GRID2: variants seen among roughly 807,000 people sequenced by gnomAD.
GRID2 encodes glutamate ionotropic receptor delta type subunit 2, also known as glutamate receptor ionotropic, delta-2.
A neutral mutation model predicts 114.8 loss-of-function variants in GRID2; 33 were observed. The observed-to-expected ratio is 0.29, with a 90% CI of 0.22 to 0.38. The LOEUF is 0.38. GRID2 is among the 10% of genes least tolerant of loss of function. GRID2 has a pLI of 1.00. For missense variants in GRID2, 1,184 were observed against 1,257.7 expected (o/e 0.94, Z 0.89); for synonymous variants, 505 against 449.9 (o/e 1.12, Z -1.55).
intron 1 of GRID2, among the ~76,000 whole-genome samples, chr4:93,793,592 T>G (rs529859067): frequency 6.6e-6 from 1 of 152,308 alleles, no homozygotes; most frequent in African/African-American, 2.4e-5. Flanking sequence ...CTCTCTATAT[T>G]TCTATTATCC....
intron 2 of GRID2, among the ~76,000 whole-genome samples, chr4:92,629,364 A>T (rs1483931296): frequency 6.6e-6 from 1 of 152,108 alleles, no homozygotes; most frequent in Admixed American, 6.6e-5. Flanking sequence ...TATGGACACC[A>T]TATAAGATCA....
intron 1 of GRID2, among the ~76,000 whole-genome samples, chr4:92,522,788 G>A (rs115905460): frequency 0.011 from 1,597 of 152,058 alleles, 22 homozygotes; most frequent in African/African-American, 0.037. Context: ...GGCAATGACA[G>A]GACAGGTTTG....
Position 93,378,459 on chromosome 4 carries a change from A to G in GRID2, c.1246-17148A>G, listed in dbSNP as rs142514491. 7.4e-3 allele frequency among the ~76,000 whole-genome samples: 1,121 copies of G among 152,234 alleles called. 12 individuals are homozygous for G. The highest frequency in any genetic ancestry group is 0.025 in the African/African-American group (1,052 of 41,566). On this transcript the variant is annotated intron_variant, in intron 8 of 15. Coordinates refer to ENST00000282020, the MANE Select transcript of GRID2 (RefSeq NM_001510.4). ...ATTCCGTAATTGTTATTACAAGTTA[A>G]TCAGCTTCTCCCAGGTTCATTTACT...
At chr4:93,176,640 T>C (rs1739369175) in intron 4 of GRID2, among the ~76,000 whole-genome samples, 1 of 152,134 alleles carries the variant, frequency 6.6e-6, no homozygotes, top group South Asian at 2.1e-4. Flanking sequence ...GATGGTAAAA[T>C]TTTCATTTAA....
intron 1 of GRID2, among the ~76,000 whole-genome samples, chr4:92,359,090 C>A (rs1314154346): frequency 6.6e-6 from 1 of 151,844 alleles, no homozygotes; most frequent in East Asian, 1.9e-4. Context: ...AAGCTGATAT[C>A]CTGTTTGGTT....
At chr4:93,482,600 T>C (rs1395004725) in intron 11 of GRID2, among the ~76,000 whole-genome samples, 1 of 151,896 alleles carries the variant, frequency 6.6e-6, no homozygotes, top group Admixed American at 6.6e-5. Flanking sequence ...GCTTAAAACC[T>C]AAATGACGGG....
At chr4:92,499,718 G>C (rs139196178) in intron 1 of GRID2, among the ~76,000 whole-genome samples, 1 of 152,104 alleles carries the variant, frequency 6.6e-6, no homozygotes, top group East Asian at 1.9e-4. Context: ...GGGTTCATGC[G>C]ATTCTCCTGC....
intron 2 of GRID2, among the ~76,000 whole-genome samples, chr4:92,708,321 A>G (rs1444709581): frequency 1.3e-5 from 2 of 152,204 alleles, no homozygotes; most frequent in Non-Finnish European, 2.9e-5. Context: ...GTCACAGACT[A>G]ATGCTTTCTA....
At chr4:93,091,321 T>C (rs1051376015) in intron 3 of GRID2, among the ~76,000 whole-genome samples, 2 of 152,124 alleles carry the variant, frequency 1.3e-5, no homozygotes, top group Non-Finnish European at 2.9e-5. Context: ...CCTGTGCTAT[T>C]TTCAGTAGAC....
chr4:92,949,909 A>T lies in GRID2; in HGVS notation c.245-135086A>T, dbSNP rs576130685. ...CAGCCAGCTACAGATAAACAAACTG[A>T]TGCTGAACCTGCAATTGGCCATCTC... is the stretch of plus-strand genomic sequence containing the variant. On this transcript the variant is annotated intron_variant, in intron 2 of 15. Transcript: ENST00000282020. Among the ~76,000 whole-genome samples, 14 of 152,210 alleles carry T rather than the reference A, an allele frequency of 9.2e-5. No individual in the cohort carries two copies. In the South Asian group the frequency reaches 2.1e-3, roughly 23 times the overall value.
At chr4:93,202,765 G>C (rs1310791718) in intron 4 of GRID2, among the ~76,000 whole-genome samples, 1 of 151,994 alleles carries the variant, frequency 6.6e-6, no homozygotes, top group African/African-American at 2.4e-5. Flanking sequence ...TTCTTTTTAG[G>C]TAAATTATTT....
At chr4:92,989,253 G>C (rs1269817749) in intron 2 of GRID2, among the ~76,000 whole-genome samples, 14 of 140,380 alleles carry the variant, frequency 1.0e-4, no homozygotes, top group Admixed American at 6.6e-4. Context: ...CTCCAGCCTG[G>C]GTGACAGAGC....
chr4:92,955,499 G>T (rs1752337391), intron 2 of GRID2, among the ~76,000 whole-genome samples: 2 of 151,860 alleles, frequency 1.3e-5, no homozygotes, highest in Non-Finnish European at 2.9e-5. Flanking sequence ...TGAGTTCATT[G>T]TAGATTCTGG....
chr4:92,889,826 A>T (rs887939452), intron 2 of GRID2, among the ~76,000 whole-genome samples: 1 of 152,222 alleles, frequency 6.6e-6, no homozygotes, highest in African/African-American at 2.4e-5. Flanking sequence ...CTAAGCAAAA[A>T]GAGCAAAGCT....
intron 14 of GRID2, among the ~76,000 whole-genome samples, chr4:93,748,091 C>T (rs551620534): frequency 2.2e-4 from 33 of 152,012 alleles, no homozygotes; most frequent in Admixed American, 7.9e-4. Context: ...AGTGTTATGA[C>T]CCAAAGCATA....
At chr4:93,681,186 A>C (rs2110091222) in intron 14 of GRID2, among the ~76,000 whole-genome samples, 1 of 151,582 alleles carries the variant, frequency 6.6e-6, no homozygotes, top group South Asian at 2.1e-4. Context: ...CAATTGCTTC[A>C]AAGAGAATAA....
chr4:92,553,715 A>G (rs1020934625), intron 1 of GRID2, among the ~76,000 whole-genome samples: 9 of 151,994 alleles, frequency 5.9e-5, no homozygotes, highest in African/African-American at 2.2e-4. Context: ...GCAGTGGTGC[A>G]ATCTCGGCTC....
chr4:93,356,330 TAGG>T, intron 8 of GRID2, among the ~76,000 whole-genome samples: 1 of 152,070 alleles, frequency 6.6e-6, no homozygotes, highest in Non-Finnish European at 1.5e-5. Flanking sequence ...AGCTTCATTT[TAGG>T]ATAAGCAATT....
intron 2 of GRID2, among the ~76,000 whole-genome samples, chr4:92,626,521 T>C (rs1579712702): frequency 6.6e-6 from 1 of 151,976 alleles, no homozygotes; most frequent in East Asian, 1.9e-4. Context: ...TGACTTTAGA[T>C]GGAGTGTGGA....
Sources: allele counts gnomAD v4.1 joint callset (sites outside exome capture counted in the v4.1 genomes callset), GRCh38; gene constraint gnomAD v4.1.1; transcripts MANE v1.5; gene names NCBI Gene and HGNC (gene_info 2026-07-23, HGNC 2026-07-21).